The following PPP3R1 variants were observed in gnomAD, a reference collection of about 807,000 sequenced individuals.
PPP3R1 encodes the protein protein phosphatase 3 regulatory subunit B, alpha, also known as calcineurin subunit B type 1.
In PPP3R1, 5 loss-of-function variants were observed where a neutral mutation model predicts 22.6. The observed-to-expected ratio is 0.22, with a 90% CI of 0.12 to 0.46. The LOEUF is 0.46. Ranked by LOEUF, PPP3R1 falls within the 20% of genes least tolerant of loss-of-function variation. The probability of loss-of-function intolerance (pLI) is 0.99; values close to 1 mark genes in which losing one functional copy is unlikely to be tolerated. For synonymous variants in PPP3R1, 56 were observed against 65.2 expected, an observed-to-expected ratio of 0.86 and a Z score of 0.68; for missense variants, 61 against 203.2, an observed-to-expected ratio of 0.30 and a Z score of 4.25.
chr2:68,220,453 C>T (rs1669667310), intron 1 of PPP3R1, among the ~76,000 whole-genome samples: 1 of 152,200 alleles, frequency 6.6e-6, no homozygotes, highest in Admixed American at 6.5e-5. Flanking sequence ...ATGGGCCAAA[C>T]TGGAGAAACT....
chr2:68,235,523 T>G (rs1034703401), intron 1 of PPP3R1, among the ~76,000 whole-genome samples: 1 of 152,230 alleles, frequency 6.6e-6, no homozygotes, highest in African/African-American at 2.4e-5. Flanking sequence ...ATCTAATGTG[T>G]TGTAACAAGT....
intron 1 of PPP3R1, among the ~76,000 whole-genome samples, chr2:68,220,199 C>T (rs994197974): frequency 4.6e-5 from 7 of 152,130 alleles, no homozygotes; most frequent in Non-Finnish European, 8.8e-5. Context: ...AACACAATCC[C>T]GAGACATCGC....
chr2:68,234,590 C>T (rs1669980129), intron 1 of PPP3R1, among the ~76,000 whole-genome samples: 1 of 152,158 alleles, frequency 6.6e-6, no homozygotes, highest in African/African-American at 2.4e-5. Context: ...TTTTAAATGT[C>T]TTCCATATAT....
At chr2:68,223,031 A>G (rs936927343) in intron 1 of PPP3R1, among the ~76,000 whole-genome samples, 2 of 152,234 alleles carry the variant, frequency 1.3e-5, no homozygotes, top group Non-Finnish European at 2.9e-5. Flanking sequence ...GCAGAAAGGA[A>G]GGGTACTGTC....
intron 1 of PPP3R1, among the ~76,000 whole-genome samples, chr2:68,221,710 C>T (rs1437137693): frequency 6.6e-6 from 1 of 151,318 alleles, no homozygotes; most frequent in Admixed American, 6.6e-5. Context: ...TAATAAATTG[C>T]TGTGACACAG....
intron 5 of PPP3R1, among the ~76,000 whole-genome samples, chr2:68,182,657 TAA>T (rs34758901): frequency 0.51 from 63,607 of 123,582 alleles, 16,364 homozygotes; most frequent in African/African-American, 0.69. Context: ...CTCTAATACT[TAA>T]AAAAAAAAAA....
chr2:68,235,082 G>T (rs1009025312), intron 1 of PPP3R1, among the ~76,000 whole-genome samples: 2 of 152,180 alleles, frequency 1.3e-5, no homozygotes, highest in Non-Finnish European at 2.9e-5. Context: ...TAACGAGAAA[G>T]ATTTGAGTTA....
chr2:68,229,897 T>TAC (rs1353857934), intron 1 of PPP3R1, among the ~76,000 whole-genome samples: 1 of 151,644 alleles, frequency 6.6e-6, no homozygotes, highest in East Asian at 1.9e-4. Flanking sequence ...TATATATATA[T>TAC]ACGGGTGTGT....
At chr2:68,232,511 G>T (rs1055165861) in intron 1 of PPP3R1, among the ~76,000 whole-genome samples, 2 of 151,814 alleles carry the variant, frequency 1.3e-5, no homozygotes, top group Non-Finnish European at 2.9e-5. Flanking sequence ...AAAGAGAAAT[G>T]TATCAAAGAA....
intron 2 of PPP3R1, among the ~76,000 whole-genome samples, chr2:68,191,946 TTA>T (rs1674676511): frequency 6.6e-6 from 1 of 152,246 alleles, no homozygotes; most frequent in Non-Finnish European, 1.5e-5. Context: ...GCTTATTTAT[TTA>T]TATGTCTACT....
chr2:68,247,502 A>AC (rs1224056363), intron 1 of PPP3R1, among the ~76,000 whole-genome samples: 1 of 152,192 alleles, frequency 6.6e-6, no homozygotes, highest in Admixed American at 6.5e-5. Flanking sequence ...AGGCACTGTT[A>AC]ATATTTCACA....
At chr2:68,230,943 T>G (rs1240704801) in intron 1 of PPP3R1, among the ~76,000 whole-genome samples, 1 of 152,250 alleles carries the variant, frequency 6.6e-6, no homozygotes, top group East Asian at 1.9e-4. Flanking sequence ...AGTTTTACTT[T>G]GAGATATCCT....
intron 1 of PPP3R1, among the ~76,000 whole-genome samples, chr2:68,226,074 A>G (rs150716119): frequency 5.3e-4 from 80 of 152,330 alleles, no homozygotes; most frequent in African/African-American, 1.9e-3. Context: ...AAAAGAAACC[A>G]GACACAAAAA....
chr2:68,235,561 C>T (rs1420269140), intron 1 of PPP3R1, among the ~76,000 whole-genome samples: 1 of 152,112 alleles, frequency 6.6e-6, no homozygotes, highest in African/African-American at 2.4e-5. Flanking sequence ...TACTAATGAA[C>T]ATTTCATTCG....
At chr2:68,209,358 C>CAAAAAAAA (rs777851469) in intron 2 of PPP3R1, among the ~76,000 whole-genome samples, 4 of 41,680 alleles carry the variant, frequency 9.6e-5, no homozygotes, top group Admixed American at 3.9e-4. Flanking sequence ...GACTCTGTCT[C>CAAAAAAAA]AAAAAAAAAA....
intron 1 of PPP3R1, among the ~76,000 whole-genome samples, chr2:68,238,810 C>T (rs1222507391): frequency 2.0e-5 from 3 of 152,050 alleles, no homozygotes; most frequent in Non-Finnish European, 4.4e-5. Context: ...AATGAAAAGA[C>T]ACGTTTGCTA....
chr2:68,221,514 T>A (rs1669689120), intron 1 of PPP3R1, among the ~76,000 whole-genome samples: 1 of 152,064 alleles, frequency 6.6e-6, no homozygotes, highest in Non-Finnish European at 1.5e-5. Flanking sequence ...AATAAACAAA[T>A]GTCACTGAAC....
At chr2:68,232,120 T>TACACACACAC (rs371099015) in intron 1 of PPP3R1, among the ~76,000 whole-genome samples, 34 of 44,310 alleles carry the variant, frequency 7.7e-4, no homozygotes, top group African/African-American at 3.3e-3. Flanking sequence ...TATATATATA[T>TACACACACAC]ATATACACAC....
At chr2:68,233,323 T>G (rs1289955272) in intron 1 of PPP3R1, among the ~76,000 whole-genome samples, 2 of 152,234 alleles carry the variant, frequency 1.3e-5, no homozygotes, top group Non-Finnish European at 2.9e-5. Context: ...TCATTAAATA[T>G]GCTTTTATAA....
Sources: gnomAD v4.1 joint callset for allele counts (sites outside exome capture counted in the v4.1 genomes callset) on GRCh38, gnomAD v4.1.1 for gene constraint, MANE v1.5 for transcripts, NCBI Gene and HGNC (gene_info 2026-07-23, HGNC 2026-07-21) for gene names.